Variants in GALNT16 observed in about 807,000 individuals in gnomAD.
GALNT16 encodes polypeptide N-acetylgalactosaminyltransferase 16.
In GALNT16, 40 loss-of-function variants were observed where a neutral mutation model predicts 76.1. The observed-to-expected ratio is 0.53, with a 90% CI of 0.41 to 0.68. The LOEUF (loss-of-function observed/expected upper bound fraction) is 0.68, where lower values mean the gene tolerates loss of function less well. Among genes scored for constraint, GALNT16 ranks in the 30% least tolerant of loss-of-function variants. The probability of loss-of-function intolerance (pLI) is 0.00; values close to 1 mark genes in which losing one functional copy is unlikely to be tolerated. For synonymous variants in GALNT16, 276 were observed against 285.2 expected (o/e 0.97, Z 0.32); for missense variants, 621 against 731.9 (o/e 0.85, Z 1.75).
intron 1 of GALNT16, among the ~76,000 whole-genome samples, chr14:69,291,332 T>C (rs2044684906): frequency 6.6e-6 from 1 of 152,108 alleles, no homozygotes; most frequent in Admixed American, 6.5e-5. Context: ...TGGGAACTTT[T>C]GAAGTTTGTC....
intron 1 of GALNT16, among the ~76,000 whole-genome samples, chr14:69,272,554 A>G (rs2044418711): frequency 6.6e-6 from 1 of 152,182 alleles, no homozygotes. Flanking sequence ...GTTGCAGCAC[A>G]ATTACTTTAT....
At chr14:69,287,106 C>T (rs549330228) in intron 1 of GALNT16, among the ~76,000 whole-genome samples, 1 of 152,342 alleles carries the variant, frequency 6.6e-6, no homozygotes, top group African/African-American at 2.4e-5. Context: ...AGACCCCACA[C>T]ACCTCACCAT....
chr14:69,327,231 C>T (rs2045297500), intron 5 of GALNT16, among the ~76,000 whole-genome samples: 1 of 152,130 alleles, frequency 6.6e-6, no homozygotes, highest in Admixed American at 6.5e-5. Flanking sequence ...ATGCCTGTAG[C>T]CCCAACTACT....
At chr14:69,370,117 ACT>A in the GALNT16 span, among the ~76,000 whole-genome samples, 5 of 152,038 alleles carry the variant, frequency 3.3e-5, no homozygotes, top group Non-Finnish European at 7.4e-5. Context: ...TGAAGTGCTG[ACT>A]CTGTTTACAT....
At chr14:69,349,556 T>G (rs1303198059) in intron 14 of GALNT16, 1 of 152,274 alleles carries the variant, frequency 6.6e-6, no homozygotes, top group East Asian at 1.9e-4. Flanking sequence ...GGTCCCCTGC[T>G]GGTCCTATTT....
chr14:69,369,148 G>A, the GALNT16 span, among the ~76,000 whole-genome samples: 40 of 152,190 alleles, frequency 2.6e-4, no homozygotes, highest in African/African-American at 9.4e-4. Flanking sequence ...AACTATTGCA[G>A]ATGATAACTG....
At chr14:69,263,902 G>A (rs1393151695) in intron 1 of GALNT16, among the ~76,000 whole-genome samples, 4 of 152,168 alleles carry the variant, frequency 2.6e-5, no homozygotes, top group Admixed American at 6.5e-5. Context: ...CCGATGCAGC[G>A]AGGCAGTAGA....
At chr14:69,378,569 T>C in the GALNT16 span, among the ~76,000 whole-genome samples, 7,030 of 152,276 alleles carry the variant, frequency 0.046, 223 homozygotes, top group South Asian at 0.11. Context: ...TTATGGGACA[T>C]AGACAAATGT....
chr14:69,303,916 A>G (rs1265350974), intron 1 of GALNT16, among the ~76,000 whole-genome samples: 1 of 152,222 alleles, frequency 6.6e-6, no homozygotes, highest in Non-Finnish European at 1.5e-5. Context: ...CAAAATGCAC[A>G]TATTAATTTG....
intron 1 of GALNT16, among the ~76,000 whole-genome samples, chr14:69,309,900 C>A (rs2044992049): frequency 6.6e-6 from 1 of 152,008 alleles, no homozygotes; most frequent in Non-Finnish European, 1.5e-5. Flanking sequence ...TTTCTTTATA[C>A]TTTTAAGTTT....
chr14:69,368,991 T>G, the GALNT16 span, among the ~76,000 whole-genome samples: 2 of 152,202 alleles, frequency 1.3e-5, no homozygotes, highest in African/African-American at 2.4e-5. Context: ...TGGCCATTCC[T>G]GTAATTTGTT....
At chr14:69,341,786 T>G (rs903186176) in intron 12 of GALNT16, 22 bp downstream of exon 12, 18 of 1,575,672 alleles carry the variant, frequency 1.1e-5, no homozygotes, top group Non-Finnish European at 1.6e-5. Flanking sequence ...CCTCATCTTG[T>G]GCATCCCCCA....
At chr14:69,310,837 C>T (rs1281760351) in intron 1 of GALNT16, among the ~76,000 whole-genome samples, 2 of 152,104 alleles carry the variant, frequency 1.3e-5, no homozygotes, top group African/African-American at 4.8e-5. Context: ...ATCACTTGAG[C>T]CCAGGAGGTT....
At chr14:69,350,995 C>G (rs1010661) in intron 14 of GALNT16, 40,988 of 152,282 alleles carry the variant, frequency 0.27, 5,812 homozygotes, top group African/African-American at 0.34. Context: ...CAACTCTTCT[C>G]CCCCTTGTCA....
the GALNT16 span, among the ~76,000 whole-genome samples, chr14:69,383,179 C>T: frequency 2.6e-5 from 4 of 152,162 alleles, no homozygotes; most frequent in African/African-American, 9.7e-5. Flanking sequence ...GATCAGAAAA[C>T]TGGAAAAATC....
intron 11 of GALNT16, among the ~76,000 whole-genome samples, chr14:69,340,499 TTTCTAGATGGAGTCTCA>T (rs2045472684): frequency 6.6e-6 from 1 of 152,114 alleles, no homozygotes; most frequent in African/African-American, 2.4e-5. Flanking sequence ...TTTTTTTTTT[TTTCTAGATGGAGTCTCA>T]TTCTGTCACC....
At chr14:69,270,584 T>A (rs1594810425) in intron 1 of GALNT16, among the ~76,000 whole-genome samples, 2 of 152,338 alleles carry the variant, frequency 1.3e-5, no homozygotes, top group Middle Eastern at 6.8e-3. Context: ...AGGTCTTTCA[T>A]GTCAAGGGAA....
intron 1 of GALNT16, among the ~76,000 whole-genome samples, chr14:69,318,558 G>A (rs1244162152): frequency 6.6e-6 from 1 of 152,176 alleles, no homozygotes. Context: ...TCAGAAGGGT[G>A]CCCCAGTGCC....
intron 1 of GALNT16, among the ~76,000 whole-genome samples, chr14:69,306,353 GA>G (rs1326935646): frequency 6.6e-6 from 1 of 152,098 alleles, no homozygotes; most frequent in Non-Finnish European, 1.5e-5. Flanking sequence ...CCTTGGGAAA[GA>G]CCCCTAAAAT....
Sources: gnomAD v4.1 joint callset for allele counts (sites outside exome capture counted in the v4.1 genomes callset) on GRCh38, gnomAD v4.1.1 for gene constraint, MANE v1.5 for transcripts, NCBI Gene and HGNC (gene_info 2026-07-23, HGNC 2026-07-21) for gene names.